Variants in SLC26A7 observed in about 807,000 individuals in gnomAD.
SLC26A7 encodes solute carrier family 26 member 7, also known as anion exchange transporter.
A neutral mutation model predicts 82.5 loss-of-function variants in SLC26A7; 59 were observed. The ratio of observed to expected loss-of-function variants is 0.72; its 90% CI spans 0.58 to 0.89. The LOEUF (loss-of-function observed/expected upper bound fraction) is 0.89. Among genes scored for constraint, SLC26A7 ranks in the 40% least tolerant of loss-of-function variants. SLC26A7 has a pLI of 0.00. For synonymous variants in SLC26A7, 271 were observed against 274.3 expected, an observed-to-expected ratio of 0.99 and a Z score of 0.12; for missense variants, 820 against 793.0, an observed-to-expected ratio of 1.03 and a Z score of -0.41.
chr8:91,343,199 A>G, intron 8 of SLC26A7, 154 bp from the exon 9 acceptor site: 1 of 575,380 alleles, frequency 1.7e-6, no homozygotes, highest in Non-Finnish European at 3.1e-6. Flanking sequence ...CACCCAATAA[A>G]TGTTAGCTAT....
chr8:91,343,570 A>G (rs1195754354), intron 9 of SLC26A7, 104 bp downstream of exon 9: 1 of 718,706 alleles, frequency 1.4e-6, no homozygotes, highest in African/African-American at 1.8e-5. Context: ...AACTATTTTC[A>G]CTTATTTAAT....
rs369500416 is a variant in SLC26A7, at chr8:91,377,790, G to C, written c.1675+7957G>C. On this transcript the variant is annotated intron_variant, in intron 15 of 18. Transcript: ENST00000276609. The stretch of plus-strand genomic sequence containing the variant: ...GTTTTCCGTGAACTCTGAGTTCCTC[G>C]GCTGCCAGTCTCTCAGACTTTGCTG... Among the ~76,000 whole-genome samples the C allele has an allele frequency of 2.6e-4, 40 of 152,146 alleles. No homozygotes were observed. In the East Asian group the frequency reaches 4.8e-3, roughly 18 times the overall value.
intron 5 of SLC26A7, among the ~76,000 whole-genome samples, chr8:91,327,976 A>C (rs1212883223): frequency 6.6e-6 from 1 of 152,078 alleles, no homozygotes; most frequent in Non-Finnish European, 1.5e-5. Context: ...TGTTTAAATC[A>C]TTTTTTCTCA....
At chr8:91,380,756 T>G (rs2130894205) in intron 15 of SLC26A7, among the ~76,000 whole-genome samples, 1 of 152,264 alleles carries the variant, frequency 6.6e-6, no homozygotes, top group Non-Finnish European at 1.5e-5. Context: ...AAGATACACA[T>G]ATCCTGTGAT....
rs540113370 is a variant in SLC26A7 at position 91,358,697 on chromosome 8, A to G, written c.1315-3656A>G. On this transcript the variant is annotated intron_variant, in intron 11 of 18. Coordinates refer to ENST00000276609, the MANE Select transcript of SLC26A7 (RefSeq NM_052832.4). ...CTTGGAACCAACCCTAATGTCCAAC[A>G]TAGACTGGATTAAGAAAATGTGGCA... is the stretch of plus-strand genomic sequence containing the variant. Among the ~76,000 whole-genome samples the G allele has an allele frequency of 6.6e-5, 10 of 152,170 alleles. No individual in the cohort carries two copies. In the South Asian group the frequency reaches 2.1e-3, roughly 32 times the overall value.
chr8:91,280,459 A>G (rs904899366), intron 2 of SLC26A7, among the ~76,000 whole-genome samples: 2 of 152,322 alleles, frequency 1.3e-5, no homozygotes, highest in African/African-American at 4.8e-5. Context: ...CTTTCCAAAG[A>G]TGAATTCCTA....
chr8:91,389,573 G>T, intron 16 of SLC26A7, 135 bp downstream of exon 16: 1 of 699,822 alleles, frequency 1.4e-6, no homozygotes, highest in Admixed American at 2.3e-5. Flanking sequence ...AAAGGACGTA[G>T]AACTTTGCCT....
chr8:91,309,098 T>C (rs1251462154), intron 4 of SLC26A7, among the ~76,000 whole-genome samples: 1 of 152,036 alleles, frequency 6.6e-6, no homozygotes, highest in East Asian at 1.9e-4. Flanking sequence ...AGGGAATATT[T>C]TTATGTATGT....
In SLC26A7 at chr8:91,352,902, G is replaced by C. The variant is rs745901501; in HGVS notation, c.1220G>C (p.Cys407Ser). The C allele has an allele frequency of 1.3e-6, 2 of 1,593,638 alleles. No homozygotes were observed. The highest frequency in any genetic ancestry group is 2.3e-5 in the South Asian group (2 of 86,918). The change falls in exon 11 of 19, where the codon TGT becomes TCT. Residue 407 changes from cysteine (C) to serine (S), a missense_variant and splice_region_variant. By Grantham distance (112) the Cys-to-Ser change is moderately radical (BLOSUM62 -1). Coordinates refer to ENST00000276609, the MANE Select transcript of SLC26A7 (RefSeq NM_052832.4). ...IGPLLYWLPM[C>S]VLASIIVVGL... ...CTTCAACTTACGTTTTATTTCTAGT[G>C]TGTCCTTGCAAGCATTATTGTTGTG... is the stretch of plus-strand genomic sequence containing the variant.
intron 4 of SLC26A7, among the ~76,000 whole-genome samples, chr8:91,311,028 G>A (rs1474745262): frequency 6.6e-6 from 1 of 151,926 alleles, no homozygotes; most frequent in Non-Finnish European, 1.5e-5. Context: ...TCTTTCTTCC[G>A]AGGAGGCAAG....
intron 18 of SLC26A7, chr8:91,394,306 G>A: frequency 6.2e-7 from 1 of 1,611,754 alleles, no homozygotes; most frequent in Non-Finnish European, 8.5e-7. Context: ...TTTGCAAACT[G>A]CTTACTTGTA....
intron 15 of SLC26A7, among the ~76,000 whole-genome samples, chr8:91,382,327 T>C (rs566435502): frequency 7.6e-4 from 115 of 152,294 alleles, no homozygotes; most frequent in African/African-American, 2.5e-3. Flanking sequence ...GCTTTCCTTC[T>C]TACCACACAT....
chr8:91,348,292 C>A, intron 9 of SLC26A7: 3 of 984,062 alleles, frequency 3.0e-6, no homozygotes, highest in Non-Finnish European at 3.6e-6. Flanking sequence ...TCACTACTTT[C>A]CACAAGACTG....
chr8:91,350,439 GA>G (rs34775851), intron 9 of SLC26A7, among the ~76,000 whole-genome samples: 39,069 of 148,316 alleles, frequency 0.26, 5,287 homozygotes, highest in Middle Eastern at 0.36. Context: ...CACTTTTTTT[GA>G]AAAAAAAATT....
At chr8:91,361,646 C>A (rs1320860282) in intron 11 of SLC26A7, among the ~76,000 whole-genome samples, 1 of 152,094 alleles carries the variant, frequency 6.6e-6, no homozygotes, top group Non-Finnish European at 1.5e-5. Context: ...AACTATAATA[C>A]AATATCTTGT....
At chr8:91,283,260 A>C in intron 2 of SLC26A7, among the ~76,000 whole-genome samples, 1 of 152,190 alleles carries the variant, frequency 6.6e-6, no homozygotes, top group East Asian at 1.9e-4. Flanking sequence ...GAAGGGGAGA[A>C]GTCCAGGAGG....
intron 3 of SLC26A7, among the ~76,000 whole-genome samples, chr8:91,293,860 C>G (rs961565267): frequency 1.3e-5 from 2 of 152,136 alleles, no homozygotes; most frequent in Non-Finnish European, 2.9e-5. Context: ...TTTGATCTCC[C>G]GAGCATCGTG....
At chr8:91,307,483 G>A (rs1373810838) in intron 4 of SLC26A7, among the ~76,000 whole-genome samples, 26 of 145,438 alleles carry the variant, frequency 1.8e-4, no homozygotes, top group African/African-American at 6.2e-4. Context: ...AAAATGATGA[G>A]TTCATGTCCT....
intron 13 of SLC26A7, among the ~76,000 whole-genome samples, chr8:91,364,627 A>G (rs1814140364): frequency 6.6e-6 from 1 of 152,220 alleles, no homozygotes; most frequent in Non-Finnish European, 1.5e-5. Flanking sequence ...CACCACAAGT[A>G]CACATGTATT....
Sources: gnomAD v4.1 joint callset for allele counts (sites outside exome capture counted in the v4.1 genomes callset) on GRCh38, gnomAD v4.1.1 for gene constraint, MANE v1.5 for transcripts, NCBI Gene and HGNC (gene_info 2026-07-23, HGNC 2026-07-21) for gene names.